The following KCNN3 variants were observed in gnomAD, a reference collection of about 807,000 sequenced individuals.
KCNN3 encodes potassium calcium-activated channel subfamily N member 3.
A neutral mutation model predicts 62.9 loss-of-function variants in KCNN3; 16 were observed. The observed-to-expected ratio is 0.25, with a 90% CI of 0.17 to 0.39. The LOEUF (loss-of-function observed/expected upper bound fraction) is 0.39, where lower values mean the gene tolerates loss of function less well. Among genes scored for constraint, KCNN3 ranks in the 10% least tolerant of loss-of-function variants. The probability of loss-of-function intolerance (pLI) is 1.00; values close to 1 mark genes in which losing one functional copy is unlikely to be tolerated. For synonymous variants in KCNN3, 370 were observed against 389.2 expected (o/e 0.95, Z 0.58); for missense variants, 599 against 949.4 (o/e 0.63, Z 4.85).
At chr1:154,789,227 G>A (rs1430599839) in intron 2 of KCNN3, among the ~76,000 whole-genome samples, 1 of 152,006 alleles carries the variant, frequency 6.6e-6, no homozygotes, top group Non-Finnish European at 1.5e-5. Context: ...ACCATCACTC[G>A]TCCTGCTTCC....
In KCNN3 at chr1:154,708,150, C is replaced by T. The variant is rs748347248; in HGVS notation, c.2022G>A (p.Pro674=). 20 of 1,613,706 alleles carry T rather than the reference C, an allele frequency of 1.2e-5. No homozygotes were observed. The highest frequency in any genetic ancestry group is 2.2e-5 in the East Asian group (1 of 44,886). Residue 674 remains proline (P), a synonymous_variant, in exon 8 of 8, where the codon CCG becomes CCA. Coordinates refer to ENST00000271915, the MANE Select transcript of KCNN3 (RefSeq NM_002249.6). ...GGCGCAGGGTGTCGGCGATGAGCAG[C>T]GGCAGGGAGTTGAAGCTGGCGGTGA... The part of the protein sequence containing the change: ...EHLTASFNSL[P]LLIADTLRQQ...
chr1:154,838,421 A>ATG (rs1226882641), intron 1 of KCNN3, among the ~76,000 whole-genome samples: 5 of 152,004 alleles, frequency 3.3e-5, no homozygotes, highest in African/African-American at 1.2e-4. Flanking sequence ...AGCCTCTGGG[A>ATG]TGAAGGCAGA....
At chr1:154,810,901 C>T (rs889393156) in intron 2 of KCNN3, among the ~76,000 whole-genome samples, 3 of 152,240 alleles carry the variant, frequency 2.0e-5, no homozygotes, top group Non-Finnish European at 4.4e-5. Flanking sequence ...TGGAGATGGT[C>T]AACTCAAACA....
At chr1:154,778,143 G>T (rs1648868198) in intron 2 of KCNN3, among the ~76,000 whole-genome samples, 1 of 152,162 alleles carries the variant, frequency 6.6e-6, no homozygotes, top group South Asian at 2.1e-4. Context: ...CCACTTAACT[G>T]GTGGTTCTGA....
chr1:154,766,092 TCC>T (rs147604332), intron 3 of KCNN3, among the ~76,000 whole-genome samples: 9,565 of 151,598 alleles, frequency 0.063, 325 homozygotes, highest in Non-Finnish European at 0.086. Flanking sequence ...ACCTTCCCCC[TCC>T]CCAGCCATCT....
intron 1 of KCNN3, among the ~76,000 whole-genome samples, chr1:154,844,614 A>G (rs1266460685): frequency 1.3e-5 from 2 of 152,200 alleles, no homozygotes; most frequent in Non-Finnish European, 2.9e-5. Flanking sequence ...TCGCTTTTTT[A>G]TATTTTACAA....
rs551388808 is a variant in KCNN3, at chr1:154,760,631, C to T, written c.1448+11344G>A. Among the ~76,000 whole-genome samples, 17 of 152,310 alleles carry T rather than the reference C, an allele frequency of 1.1e-4. No individual in the cohort carries two copies. In the South Asian group the frequency reaches 3.5e-3, roughly 32 times the overall value. ...GAGCGAGCCTCGGCCTCTCCCGGGCCCCGGCCTCTCCACGACCGCCTGGCC... is the reference window on the plus strand; with the variant it reads ...GAGCGAGCCTCGGCCTCTCCCGGGCTCCGGCCTCTCCACGACCGCCTGGCC... On this transcript the variant is annotated intron_variant, in intron 3 of 7. Transcript: ENST00000271915.
At chr1:154,714,555 T>TGG (rs1480386954) in intron 6 of KCNN3, among the ~76,000 whole-genome samples, 2 of 72,046 alleles carry the variant, frequency 2.8e-5, no homozygotes, top group Non-Finnish European at 5.4e-5. Flanking sequence ...TGTGTGTGTG[T>TGG]GGTGTGTGTG....
intron 2 of KCNN3, among the ~76,000 whole-genome samples, chr1:154,793,471 G>A (rs1649602435): frequency 6.6e-6 from 1 of 152,196 alleles, no homozygotes; most frequent in Non-Finnish European, 1.5e-5. Flanking sequence ...AAAGCCACCA[G>A]GCTTGGGAAT....
intron 1 of KCNN3, among the ~76,000 whole-genome samples, chr1:154,842,702 C>T (rs1033198785): frequency 1.4e-5 from 2 of 141,318 alleles, no homozygotes; most frequent in African/African-American, 5.1e-5. Flanking sequence ...CTCAGTGCTA[C>T]TTCTGTGCCT....
chr1:154,775,646 G>A (rs966974288), intron 2 of KCNN3, among the ~76,000 whole-genome samples: 2 of 134,288 alleles, frequency 1.5e-5, no homozygotes, highest in African/African-American at 5.7e-5. Flanking sequence ...GGCTCACCTG[G>A]TGGCTCTAAT....
chr1:154,772,490 G>T lies in KCNN3; in HGVS notation c.1030-97C>A. 1 of 1,255,652 alleles carries T rather than the reference G, an allele frequency of 8.0e-7. No homozygotes were observed. Among genetic ancestry groups the T allele is most frequent in the Non-Finnish European group, 1.1e-6 (1 of 872,358 alleles). The allele number at this position is 1,255,652 out of a possible 1,614,324, so 77.8% of individuals were successfully genotyped here. On this transcript the variant is annotated intron_variant, in intron 2 of 7. Coordinates refer to ENST00000271915, the MANE Select transcript of KCNN3 (RefSeq NM_002249.6). The surrounding 1 kb of genome is among the most constrained non-coding windows in gnomAD (Gnocchi z 5.6). ...TGGGGCAGGCTGGGGCAGGCTGCTG[G>T]GCTCAGGTCAGCCTGACCACCTCAG...
At position 154,758,516 on chromosome 1, in the gene KCNN3, G is replaced by A. The variant is rs965440832; in HGVS notation, c.1448+13459C>T. Among the ~76,000 whole-genome samples the A allele has an allele frequency of 2.6e-5, 4 of 152,194 alleles. No individual in the cohort carries two copies. In the South Asian group the frequency reaches 6.2e-4, roughly 24 times the overall value. On this transcript the variant is annotated intron_variant, in intron 3 of 7. Transcript: ENST00000271915. ...GCCCGCAGGGGCTGTGTTACCAGGC[G>A]GCTCCCAGGCGCCTTTTGGGAAAAC...
At chr1:154,765,800 T>TG (rs1648240093) in intron 3 of KCNN3, among the ~76,000 whole-genome samples, 2 of 151,388 alleles carry the variant, frequency 1.3e-5, no homozygotes, top group African/African-American at 2.4e-5. Context: ...TTTTTGGTTT[T>TG]TTTTTGTTTT....
At chr1:154,736,670 C>A (rs1700716948) in intron 3 of KCNN3, among the ~76,000 whole-genome samples, 1 of 152,186 alleles carries the variant, frequency 6.6e-6, no homozygotes, top group African/African-American at 2.4e-5. Flanking sequence ...TCTCCACAGT[C>A]CTCCTTTCCC....
At chr1:154,734,214 C>T (rs986824998) in intron 3 of KCNN3, among the ~76,000 whole-genome samples, 6 of 152,178 alleles carry the variant, frequency 3.9e-5, no homozygotes, top group Non-Finnish European at 7.3e-5. Context: ...CTCTTCCAAA[C>T]CGTTCTCTAA....
intron 1 of KCNN3, among the ~76,000 whole-genome samples, chr1:154,856,355 C>T (rs1217957562): frequency 6.6e-6 from 1 of 152,186 alleles, no homozygotes; most frequent in Non-Finnish European, 1.5e-5. Context: ...AGGAAGATAA[C>T]GCCCCCCGCA....
chr1:154,842,734 ATATAT>A (rs1651891500), intron 1 of KCNN3, among the ~76,000 whole-genome samples: 2 of 150,732 alleles, frequency 1.3e-5, no homozygotes, highest in Non-Finnish European at 2.9e-5. Context: ...CTCCCCTTGC[ATATAT>A]TACACTACAC....
At position 154,738,760 on chromosome 1, in the gene KCNN3, G is replaced by A. The variant is rs75597112; in HGVS notation, c.1449-5616C>T. 8.3e-3 allele frequency among the ~76,000 whole-genome samples: 1,271 copies of A among 152,260 alleles called. 22 individuals carry two copies. Among genetic ancestry groups the A allele is most frequent in the African/African-American group, 0.029 (1,203 of 41,530 alleles). Reference sequence around the variant, plus strand: ...CAGAGTTTGCACTTGCATTAATGACGAATACATAGAAAACTAAGCAAACAA... The same window carrying A: ...CAGAGTTTGCACTTGCATTAATGACAAATACATAGAAAACTAAGCAAACAA... On this transcript the variant is annotated intron_variant, in intron 3 of 7. Transcript: ENST00000271915.
Sources: allele counts gnomAD v4.1 joint callset (sites outside exome capture counted in the v4.1 genomes callset), GRCh38; gene constraint gnomAD v4.1.1; non-coding constraint Gnocchi (gnomAD v3.1); transcripts MANE v1.5; gene names NCBI Gene and HGNC (gene_info 2026-07-23, HGNC 2026-07-21).